The following PNN variants were observed in gnomAD, a reference collection of about 807,000 sequenced individuals.
PNN encodes pinin.
Under a neutral mutation model 76.6 loss-of-function variants are expected in PNN, and 38 were observed. The observed-to-expected ratio is 0.50, with a 90% CI of 0.38 to 0.65. The LOEUF is 0.65. Ranked by LOEUF, PNN falls within the 30% of genes least tolerant of loss-of-function variation. The probability of loss-of-function intolerance (pLI) is 0.00; values close to 1 mark genes in which losing one functional copy is unlikely to be tolerated. For missense variants in PNN, 873 were observed against 874.1 expected, an observed-to-expected ratio of 1.00 and a Z score of 0.02; for synonymous variants, 366 against 283.7, an observed-to-expected ratio of 1.29 and a Z score of -2.91.
In PNN at chr14:39,181,082, C is replaced by A. The variant is rs571038982; in HGVS notation, c.1373C>A (p.Ser458Tyr). ...AGTGCTTTAGACATGGAAAAGGAGT[C>A]TGAGGAAAAAGAAGAAAAAGAATCT... Reference protein sequence around the residue: ...NVSALDMEKESEEKEEKESEP... With the variant: ...NVSALDMEKEYEEKEEKESEP... The change falls in exon 9 of 9, where the codon TCT becomes TAT. Residue 458 changes from serine (S) to tyrosine (Y), a missense_variant. This residue lies in a region of PNN where 712 missense variants were observed against 693.1 expected (regional missense o/e 1.03). Transcript: ENST00000216832. The A allele has an allele frequency of 1.2e-6, 2 of 1,613,710 alleles. No individual in the cohort carries two copies. The highest frequency in any genetic ancestry group is 4.5e-5 in the East Asian group (2 of 44,898).
At chr14:39,177,714 A>C in intron 5 of PNN, 27 bp downstream of exon 5, 1 of 1,548,428 alleles carries the variant, frequency 6.5e-7, no homozygotes, top group African/African-American at 1.4e-5. Context: ...AAAAAACTCT[A>C]GTGAAATAAT....
rs758592797 is a variant in PNN at position 39,176,072 on chromosome 14, T to C, written c.114-6T>C. 19 of 1,578,098 alleles carry C rather than the reference T, an allele frequency of 1.2e-5. No individual in the cohort carries two copies. Among genetic ancestry groups the C allele is most frequent in the Non-Finnish European group, 1.7e-5 (19 of 1,147,354 alleles). On this transcript the variant is annotated splice_region_variant and splice_polypyrimidine_tract_variant and intron_variant, in intron 1 of 8. Coordinates refer to ENST00000216832, the MANE Select transcript of PNN (RefSeq NM_002687.4). The stretch of plus-strand genomic sequence containing the variant: ...GATTTTGCACTGATTTGTAAATCTT[T>C]TACAGGCCCATCCAAGCCAGATTGC...
rs777055862 is a variant in PNN, at chr14:39,181,802, G to C, written c.2093G>C (p.Gly698Ala). The C allele has an allele frequency of 6.2e-7, 1 of 1,610,828 alleles. No homozygotes were observed. The highest frequency in any genetic ancestry group is 8.5e-7 in the Non-Finnish European group (1 of 1,179,260). Residue 698 changes from glycine to alanine, a missense_variant, in exon 9 of 9, where the codon GGC (glycine) becomes GCC (alanine). Transcript: ENST00000216832. Reference sequence around the variant, plus strand: ...TCTATATCAGAGAGTAGTCGATCAGGCAAAAGATCTTCAAGAAGTGAAAGA... The same window carrying C: ...TCTATATCAGAGAGTAGTCGATCAGCCAAAAGATCTTCAAGAAGTGAAAGA... ...KRSISESSRS[G>A]KRSSRSERDR...
chr14:39,180,636 G>T lies in PNN; in HGVS notation c.927G>T (p.Glu309Asp). 6.2e-7 allele frequency: 1 copy of T among 1,613,768 alleles called. No homozygotes were observed. The highest frequency in any genetic ancestry group is 8.5e-7 in the Non-Finnish European group (1 of 1,179,824). The change falls in exon 9 of 9, where the codon GAG (glutamate) becomes GAT (aspartate). Residue 309 changes from glutamate (E) to aspartate (D), a missense_variant. By Grantham distance (45) the Glu-to-Asp change is conservative. Transcript: ENST00000216832. ...RNEEQKAEQE[E>D]GKVAQREEEL... ...AAGAACAGAAGGCGGAACAAGAAGA[G>T]GGTAAGGTGGCTCAGCGAGAGGAAG...
intron 1 of PNN, 98 bp from the exon 2 acceptor site, chr14:39,175,980 G>A: frequency 1.5e-6 from 1 of 685,046 alleles, no homozygotes; most frequent in Non-Finnish European, 2.6e-6. Context: ...TGGAACTTTT[G>A]TGATTTTTTC....
Position 39,176,159 on chromosome 14 carries a change from C to T in PNN, c.185+10C>T, listed in dbSNP as rs116997735. The T allele has an allele frequency of 1.9e-3, 2,823 of 1,512,374 alleles. 50 individuals are homozygous for T. In the East Asian group the frequency reaches 0.03, roughly 16 times the overall value. The allele number at this position is 1,512,374 out of a possible 1,614,324, so 93.7% of individuals were successfully genotyped here. A position where few individuals can be genotyped will look rare whatever the true frequency, so the allele number is the denominator to read the frequency against. On this transcript the variant is annotated intron_variant, in intron 2 of 8. Coordinates refer to ENST00000216832, the MANE Select transcript of PNN (RefSeq NM_002687.4). Reference sequence around the variant, plus strand: ...GTAGTTTATTACTGAGGTAAGATTTCCTTTGGACTTTACTCATGCTGAAAC... The same window carrying T: ...GTAGTTTATTACTGAGGTAAGATTTTCTTTGGACTTTACTCATGCTGAAAC...
At position 39,176,618 on chromosome 14, in the gene PNN, G is replaced by A. The variant is rs746587063; in HGVS notation, c.254+23G>A. On this transcript the variant is annotated intron_variant, in intron 3 of 8. Coordinates refer to ENST00000216832, the MANE Select transcript of PNN (RefSeq NM_002687.4). ...TAGGTAGGTTTAAAAAAAGATTCCT[G>A]AAGGCTTCTTTAGTTTCTGAGGTAC... The A allele has an allele frequency of 4.2e-6, 6 of 1,433,178 alleles. No homozygotes were observed. In the South Asian group the frequency reaches 6.0e-5, roughly 14 times the overall value. The allele number at this position is 1,433,178 out of a possible 1,614,324, so 88.8% of individuals were successfully genotyped here. A position where few individuals can be genotyped will look rare whatever the true frequency, so the allele number is the denominator to read the frequency against.
chr14:39,181,936 T>G lies in PNN; in HGVS notation c.*73T>G. The G allele has an allele frequency of 7.0e-7, 1 of 1,429,176 alleles. No individual in the cohort carries two copies. The highest frequency in any genetic ancestry group is 9.3e-7 in the Non-Finnish European group (1 of 1,071,098). The allele number at this position is 1,429,176 out of a possible 1,614,324, so 88.5% of individuals were successfully genotyped here. On this transcript the variant is annotated 3_prime_UTR_variant, in exon 9 of 9. Coordinates refer to ENST00000216832, the MANE Select transcript of PNN (RefSeq NM_002687.4). ...TTGATAAAAAAGGATTACCTTTCCT[T>G]GTAAAGAGGATGCTGCCTTAAGAAT... is the stretch of plus-strand genomic sequence containing the variant.
In PNN at chr14:39,182,392, C is replaced by CA. The variant is rs1555338343; in HGVS notation, c.*530dup. 1 of 152,938 alleles carries CA rather than the reference C, an allele frequency of 6.5e-6. No homozygotes were observed. The highest frequency in any genetic ancestry group is 1.5e-5 in the Non-Finnish European group (1 of 68,302). The allele number at this position is 152,938 out of a possible 1,614,324, so 9.5% of individuals were successfully genotyped here. ...TTTGCCTTGGACAGTTTTTAGTTGT[C>CA]AGAGTCAGAGCTTTGCAGCTTTGAG... On this transcript the variant is annotated 3_prime_UTR_variant, in exon 9 of 9. Coordinates refer to ENST00000216832, the MANE Select transcript of PNN (RefSeq NM_002687.4).
intron 2 of PNN, 51 bp downstream of exon 2, chr14:39,176,200 A>G (rs749698824): frequency 5.8e-6 from 6 of 1,038,222 alleles, no homozygotes; most frequent in South Asian, 1.3e-5. Flanking sequence ...GTACTTTACT[A>G]AATATGTTGG....
chr14:39,180,826 A>C lies in PNN; in HGVS notation c.1117A>C (p.Arg373=), dbSNP rs1384054755. ...TAAGATGGAGGAGGAAACTGAGGTA[A>C]GGGAAAGTGAGAAGCAGCAGGATAG... The part of the protein sequence containing the change: ...EVKMEEETEV[R]ESEKQQDSQP... Residue 373 remains arginine (R), a synonymous_variant, in exon 9 of 9, where the codon AGG becomes CGG. Coordinates refer to ENST00000216832, the MANE Select transcript of PNN (RefSeq NM_002687.4). 3 of 1,614,006 alleles carry C rather than the reference A, an allele frequency of 1.9e-6. No individual in the cohort carries two copies. The South Asian group carries it at 3.3e-5, about 18-fold the overall frequency.
chr14:39,179,261 G>A lies in PNN; in HGVS notation c.654+15G>A. ...TTGCGCAGCTGGTGAGTGGTAATTT[G>A]GAATTCTAAGATTGGTAATCCTTTG... On this transcript the variant is annotated intron_variant, in intron 7 of 8. Transcript: ENST00000216832. The A allele has an allele frequency of 1.2e-6, 2 of 1,609,860 alleles. No homozygotes were observed. The highest frequency in any genetic ancestry group is 1.7e-6 in the Non-Finnish European group (2 of 1,178,682).
rs761177718 is a variant in PNN, at chr14:39,175,263, C to T, written c.-17C>T. 2.0e-6 allele frequency: 3 copies of T among 1,524,186 alleles called. No individual in the cohort carries two copies. The highest frequency in any genetic ancestry group is 2.3e-5 in the East Asian group (1 of 43,616). 94.4% of individuals were successfully genotyped at this position (1,524,186 alleles called of 1,614,324 possible). ...GCTCGGCCTGTAAAGCAGTCTCAAG[C>T]CTGCCGCAGGGAGAAGATGGCGGTC... On this transcript the variant is annotated 5_prime_UTR_variant, in exon 1 of 9. Coordinates refer to ENST00000216832, the MANE Select transcript of PNN (RefSeq NM_002687.4).
At chr14:39,179,583 T>A (rs2053254755) in intron 8 of PNN, 121 bp downstream of exon 8, 1 of 897,796 alleles carries the variant, frequency 1.1e-6, no homozygotes, top group African/African-American at 1.7e-5. Flanking sequence ...TTTGCTTTTT[T>A]TTTTTAAATA....
intron 8 of PNN, 114 bp downstream of exon 8, chr14:39,179,576 G>GT: frequency 2.1e-6 from 2 of 946,760 alleles, no homozygotes; most frequent in Non-Finnish European, 1.5e-6. Flanking sequence ...TGCTGTGTTT[G>GT]CTTTTTTTTT....
In PNN at chr14:39,181,955, T is replaced by A; in HGVS notation, c.*92T>A. The A allele has an allele frequency of 1.6e-6, 2 of 1,277,286 alleles. No homozygotes were observed. Among genetic ancestry groups the A allele is most frequent in the Non-Finnish European group, 2.1e-6 (2 of 941,068 alleles). 79.1% of individuals were successfully genotyped at this position (1,277,286 alleles called of 1,614,324 possible). A position where few individuals can be genotyped will look rare whatever the true frequency, so the allele number is the denominator to read the frequency against. On this transcript the variant is annotated 3_prime_UTR_variant, in exon 9 of 9. Transcript: ENST00000216832. ...TTTCCTTGTAAAGAGGATGCTGCCT[T>A]AAGAATTGCATGTTGTAAAAAATCT...
chr14:39,176,570 A>G lies in PNN; in HGVS notation c.229A>G (p.Arg77Gly), dbSNP rs2053226394. The change falls in exon 3 of 9, where the codon AGA (arginine) becomes GGA (glycine). Residue 77 changes from arginine (R) to glycine (G), a missense_variant. Around this residue, in one of 3 missense-constraint regions of PNN, gnomAD observed 156 missense variants for 161.7 expected, o/e 0.96. Coordinates refer to ENST00000216832, the MANE Select transcript of PNN (RefSeq NM_002687.4). Reference sequence around the variant, plus strand: ...TGGAGGAGGACCCCCAGCCAAACAGAGAGACCTTGAAGGGGCAGTCAGTAG... The same window carrying G: ...TGGAGGAGGACCCCCAGCCAAACAGGGAGACCTTGAAGGGGCAGTCAGTAG... Reference protein sequence around the residue: ...DSGGGPPAKQRDLEGAVSRLG... With the variant: ...DSGGGPPAKQGDLEGAVSRLG... The G allele has an allele frequency of 6.2e-7, 1 of 1,608,180 alleles. No individual in the cohort carries two copies. The highest frequency in any genetic ancestry group is 1.3e-5 in the African/African-American group (1 of 74,584).
Position 39,177,686 on chromosome 14 carries a change from A to G in PNN, c.421A>G (p.Arg141Gly). 6.2e-7 allele frequency: 1 copy of G among 1,604,360 alleles called. No individual in the cohort carries two copies. Among genetic ancestry groups the G allele is most frequent in the Non-Finnish European group, 8.5e-7 (1 of 1,171,026 alleles). Reference sequence around the variant, plus strand: ...AAATATGGATGAAAAGGGAAAGCAAAGGTATTTCCCTGGGGGAAAAAAACT... The same window carrying G: ...AAATATGGATGAAAAGGGAAAGCAAGGGTATTTCCCTGGGGGAAAAAAACT... ...DQNMDEKGKQ[R>G]NRRIFGLLMG... Residue 141 changes from arginine (R) to glycine (G), a missense_variant and splice_region_variant, in exon 5 of 9, where the codon AGG becomes GGG. Around this residue, in one of 3 missense-constraint regions of PNN, gnomAD observed 712 missense variants for 693.1 expected, o/e 1.03. Coordinates refer to ENST00000216832, the MANE Select transcript of PNN (RefSeq NM_002687.4).
chr14:39,180,709 G>A lies in PNN; in HGVS notation c.1000G>A (p.Ala334Thr), dbSNP rs2053262827. ...GCACAATGATGTAGAAATAGAGGAA[G>A]CAGGAGAGGAAGAGGAAAAGGAAAT... ...NQHNDVEIEE[A>T]GEEEEKEIAI... Residue 334 changes from alanine (A) to threonine (T), a missense_variant, in exon 9 of 9, where the codon GCA becomes ACA. Physicochemically the swap from Ala to Thr is moderately conservative, Grantham distance 58. Coordinates refer to ENST00000216832, the MANE Select transcript of PNN (RefSeq NM_002687.4). 1.2e-6 allele frequency: 2 copies of A among 1,601,582 alleles called. No homozygotes were observed. Among genetic ancestry groups the A allele is most frequent in the African/African-American group, 1.3e-5 (1 of 74,612 alleles).
Sources: gnomAD v4.1 joint callset for allele counts on GRCh38, gnomAD v4.1.1 for gene constraint, gnomAD v4.1.1 regional missense constraint, MANE v1.5 for transcripts, NCBI Gene and HGNC (gene_info 2026-07-23, HGNC 2026-07-21) for gene names.